Variants in CYP4B1 observed in about 807,000 individuals in gnomAD.
CYP4B1 encodes cytochrome P450 4B1.
In CYP4B1, 45 loss-of-function variants were observed where a neutral mutation model predicts 54.0. The observed-to-expected ratio is 0.83, with a 90% CI of 0.66 to 1.07. CYP4B1 has a LOEUF of 1.07. Ranked by LOEUF, CYP4B1 falls within the 50% of genes least tolerant of loss-of-function variation. The pLI, the probability that CYP4B1 is intolerant of heterozygous loss-of-function variation, is 0.00. For synonymous variants in CYP4B1, 248 were observed against 247.5 expected, an observed-to-expected ratio of 1.00 and a Z score of -0.02; for missense variants, 656 against 655.4, an observed-to-expected ratio of 1.00 and a Z score of -0.01.
In CYP4B1 at chr1:46,813,938, G is replaced by A; in HGVS notation, c.650G>A (p.Ser217Asn). 1.2e-6 allele frequency: 2 copies of A among 1,614,144 alleles called. No homozygotes were observed. The highest frequency in any genetic ancestry group is 1.7e-6 in the Non-Finnish European group (2 of 1,180,018). The change falls in exon 6 of 12, where the codon AGC (serine) becomes AAC (asparagine). Residue 217 changes from serine to asparagine, a missense_variant. By Grantham distance (46) the Ser-to-Asn change is conservative. Transcript: ENST00000371923. ...GACAGCAGCTACTACCTTGCAGTCA[G>A]CGATCTCACTCTGTTGATGCAGCAG... ...SRDSSYYLAV[S>N]DLTLLMQQRL...
At chr1:46,814,143 G>T (rs1679232565) in intron 6 of CYP4B1, 66 bp from the exon 7 acceptor site, 30 of 1,609,810 alleles carry the variant, frequency 1.9e-5, no homozygotes, top group Non-Finnish European at 2.5e-5. Flanking sequence ...CCCATTATAG[G>T]ACCCCAGTTC....
intron 1 of CYP4B1, among the ~76,000 whole-genome samples, chr1:46,802,924 C>A (rs1461062044): frequency 1.3e-5 from 2 of 152,188 alleles, no homozygotes; most frequent in African/African-American, 4.8e-5. Context: ...AAGGTGCTCT[C>A]TGTGCAAAAA....
At chr1:46,814,710 G>A (rs1301960298) in intron 7 of CYP4B1, 16 of 344,842 alleles carry the variant, frequency 4.6e-5, no homozygotes, top group Non-Finnish European at 5.3e-6. Flanking sequence ...ATGCAGAGAT[G>A]GGAAAGACCT....
chr1:46,816,941 T>G, intron 8 of CYP4B1, 107 bp from the exon 9 acceptor site: 1 of 1,325,138 alleles, frequency 7.5e-7, no homozygotes, highest in Non-Finnish European at 1.1e-6. Flanking sequence ...CCTCTGACTC[T>G]TGAGTGTGTG....
intron 11 of CYP4B1, 112 bp downstream of exon 11, chr1:46,818,325 G>A: frequency 9.8e-7 from 1 of 1,016,554 alleles, no homozygotes; most frequent in South Asian, 1.4e-5. Context: ...ATCATGCTGG[G>A]TTTGTGGTGG....
intron 8 of CYP4B1, among the ~76,000 whole-genome samples, chr1:46,816,392 AT>A (rs1261296134): frequency 6.6e-6 from 1 of 152,128 alleles, no homozygotes; most frequent in Non-Finnish European, 1.5e-5. Context: ...TAGAATATTT[AT>A]TTTATTTTCA....
chr1:46,799,243 T>C lies in CYP4B1; in HGVS notation c.162T>C (p.Leu54=), dbSNP rs761033950. 1 of 1,597,556 alleles carries C rather than the reference T, an allele frequency of 6.3e-7. No homozygotes were observed. The highest frequency in any genetic ancestry group is 1.7e-4 in the Middle Eastern group (1 of 6,046). Residue 54 remains leucine, a synonymous_variant, in exon 1 of 12, where the codon CTT becomes CTC. Transcript: ENST00000371923. ...DKFPGPPTHW[L]FGHALEIQET... ...TCCCAGGGCCTCCCACCCACTGGCT[T>C]TTTGGACATGCCCTCGAGGTATGTG...
At chr1:46,800,234 TTTCTTTCCTTCCTTCCTTCC>T (rs1363867351) in intron 1 of CYP4B1, among the ~76,000 whole-genome samples, 6 of 43,612 alleles carry the variant, frequency 1.4e-4, no homozygotes, top group African/African-American at 3.6e-4. Context: ...TCTTTCTTTC[TTTCTTTCCTTCCTTCCTTCC>T]TTCCTTCCTT....
chr1:46,814,588 T>C (rs749864098), intron 7 of CYP4B1, among the ~76,000 whole-genome samples: 2 of 152,196 alleles, frequency 1.3e-5, no homozygotes, highest in Non-Finnish European at 2.9e-5. Flanking sequence ...GTTGGCCTTG[T>C]AGAATCCTAG....
intron 3 of CYP4B1, 49 bp from the exon 4 acceptor site, chr1:46,812,447 C>T: frequency 1.3e-6 from 2 of 1,577,216 alleles, no homozygotes; most frequent in Non-Finnish European, 1.7e-6. Context: ...TAGCCCCAGG[C>T]TGCCAGGGCC....
chr1:46,811,228 G>A (rs766713129), intron 3 of CYP4B1, 44 bp downstream of exon 3: 43 of 1,591,184 alleles, frequency 2.7e-5, no homozygotes, highest in Admixed American at 1.0e-4. Context: ...CCTCAGACCC[G>A]TGGTGCTGGG....
intron 1 of CYP4B1, among the ~76,000 whole-genome samples, chr1:46,803,928 A>T (rs188669708): frequency 6.6e-6 from 1 of 152,278 alleles, no homozygotes; most frequent in African/African-American, 2.4e-5. Context: ...GTGTACGAAC[A>T]TGTGTATGAG....
Position 46,813,471 on chromosome 1 carries a change from C to G in CYP4B1, c.496-11C>G. 1 of 1,614,082 alleles carries G rather than the reference C, an allele frequency of 6.2e-7. No homozygotes were observed. Among genetic ancestry groups the G allele is most frequent in the South Asian group, 1.1e-5 (1 of 91,088 alleles). On this transcript the variant is annotated splice_polypyrimidine_tract_variant and intron_variant, in intron 4 of 11. Transcript: ENST00000371923. ...GCCTCCTACACATTGCCTCCTATCC[C>G]TGGACTCCAGGACAAGTGGGAAGAG...
chr1:46,799,078 A>T lies in CYP4B1; in HGVS notation c.-4A>T. 6.2e-7 allele frequency: 1 copy of T among 1,613,864 alleles called. No homozygotes were observed. The highest frequency in any genetic ancestry group is 1.7e-4 in the Middle Eastern group (1 of 6,026). Reference sequence around the variant, plus strand: ...ATGAAGGCTAGGTGGCTGGAACTGCAACCATGGTGCCCAGCTTCCTCTCCC... The same window carrying T: ...ATGAAGGCTAGGTGGCTGGAACTGCTACCATGGTGCCCAGCTTCCTCTCCC... On this transcript the variant is annotated 5_prime_UTR_variant, in exon 1 of 12. Transcript: ENST00000371923.
At chr1:46,817,938 G>C in intron 9 of CYP4B1, 27 bp from the exon 10 acceptor site, 1 of 1,612,216 alleles carries the variant, frequency 6.2e-7, no homozygotes, top group Non-Finnish European at 8.5e-7. Context: ...AGGACTACCT[G>C]GTCACCAACC....
Position 46,814,189 on chromosome 1 carries a change from ACT to A in CYP4B1, c.776-17_776-16del, listed in dbSNP as rs776321886. The A allele has an allele frequency of 1.2e-6, 2 of 1,613,370 alleles. No homozygotes were observed. The highest frequency in any genetic ancestry group is 1.7e-5 in the Admixed American group (1 of 60,004). On this transcript the variant is annotated intron_variant, in intron 6 of 11. Coordinates refer to ENST00000371923, the MANE Select transcript of CYP4B1 (RefSeq NM_001099772.2). ...AAAAGATGGCTTCCCAGGCAGTGAC[ACT>A]CTGTGCTTTTGGTTCAGACCAGGTC...
At chr1:46,808,330 T>C (rs1027203425) in intron 1 of CYP4B1, among the ~76,000 whole-genome samples, 6 of 151,838 alleles carry the variant, frequency 4.0e-5, no homozygotes, top group African/African-American at 7.3e-5. Flanking sequence ...TTTTAATGAT[T>C]GTCATTCTAA....
chr1:46,807,837 T>C (rs983147085), intron 1 of CYP4B1, among the ~76,000 whole-genome samples: 1 of 152,176 alleles, frequency 6.6e-6, no homozygotes, highest in Non-Finnish European at 1.5e-5. Flanking sequence ...CCCTTGGAGA[T>C]AGTGGCTTGG....
rs758763794 is a variant in CYP4B1 at position 46,818,006 on chromosome 1, A to G, written c.1249A>G (p.Ser417Gly). The G allele has an allele frequency of 1.2e-6, 2 of 1,614,188 alleles. No individual in the cohort carries two copies. The highest frequency in any genetic ancestry group is 1.7e-6 in the Non-Finnish European group (2 of 1,180,010). Residue 417 changes from serine (S) to glycine (G), a missense_variant, in exon 10 of 12, where the codon AGT becomes GGT. By Grantham distance (56) the Ser-to-Gly change is moderately conservative. Coordinates refer to ENST00000371923, the MANE Select transcript of CYP4B1 (RefSeq NM_001099772.2). Reference protein sequence around the residue: ...SMHIYALHRNSAVWPDPEVFD... With the variant: ...SMHIYALHRNGAVWPDPEVFD... ...GCATATCTATGCCCTCCATAGGAACAGTGCTGTATGGCCCGACCCTGAGGT... is the reference window on the plus strand; with the variant it reads ...GCATATCTATGCCCTCCATAGGAACGGTGCTGTATGGCCCGACCCTGAGGT...
Sources: allele counts gnomAD v4.1 joint callset (sites outside exome capture counted in the v4.1 genomes callset), GRCh38; gene constraint gnomAD v4.1.1; transcripts MANE v1.5; gene names NCBI Gene and HGNC (gene_info 2026-07-23, HGNC 2026-07-21).